Variants in BABAM2 observed in about 807,000 individuals in gnomAD.
BABAM2 encodes BRISC and BRCA1 A complex member 2.
Under a neutral mutation model 54.7 loss-of-function variants are expected in BABAM2, and 31 were observed. That is an observed-to-expected ratio of 0.57 (90% CI 0.43 to 0.77). The LOEUF is 0.77. BABAM2 is among the 30% of genes least tolerant of loss of function. The probability of loss-of-function intolerance (pLI) is 0.00; values close to 1 mark genes in which losing one functional copy is unlikely to be tolerated. For missense variants in BABAM2, 364 were observed against 455.8 expected, an observed-to-expected ratio of 0.80 and a Z score of 1.83; for synonymous variants, 167 against 162.9, an observed-to-expected ratio of 1.03 and a Z score of -0.19.
intron 10 of BABAM2, among the ~76,000 whole-genome samples, chr2:28,276,039 G>A (rs1558493127): frequency 6.6e-6 from 1 of 151,048 alleles, no homozygotes; most frequent in Admixed American, 6.6e-5. Context: ...AGAAAAAAAT[G>A]GGACTAATAT....
At chr2:28,036,959 C>T (rs1676709340) in intron 5 of BABAM2, among the ~76,000 whole-genome samples, 1 of 152,130 alleles carries the variant, frequency 6.6e-6, no homozygotes, top group South Asian at 2.1e-4. Flanking sequence ...CATTATCTAG[C>T]CTAGTACTTG....
At position 28,244,761 on chromosome 2, in the gene BABAM2, G is replaced by A. The variant is rs1558467699; in HGVS notation, c.852-19G>A. On this transcript the variant is annotated intron_variant, in intron 9 of 11. Coordinates refer to ENST00000379624, the MANE Select transcript of BABAM2 (RefSeq NM_199191.3). The stretch of plus-strand genomic sequence containing the variant: ...ATGAGGGTTTTTTTTGTTTGTGTGT[G>A]TATGTTTTTATTACTTAGAGGTGTC... 4 of 1,603,448 alleles carry A rather than the reference G, an allele frequency of 2.5e-6. No homozygotes were observed. The highest frequency in any genetic ancestry group is 2.7e-5 in the African/African-American group (2 of 74,580).
At chr2:27,967,161 A>C (rs1670893753) in intron 3 of BABAM2, among the ~76,000 whole-genome samples, 1 of 152,280 alleles carries the variant, frequency 6.6e-6, no homozygotes, top group Admixed American at 6.5e-5. Context: ...CATATACTTC[A>C]CTGGAAGATG....
intron 6 of BABAM2, among the ~76,000 whole-genome samples, chr2:28,051,077 C>T (rs532782649): frequency 1.3e-5 from 2 of 152,276 alleles, no homozygotes; most frequent in East Asian, 1.9e-4. Flanking sequence ...TTCCTTGGCC[C>T]CATTCTCTTC....
At chr2:28,008,417 AC>A (rs1674129676) in intron 4 of BABAM2, among the ~76,000 whole-genome samples, 1 of 152,176 alleles carries the variant, frequency 6.6e-6, no homozygotes. Flanking sequence ...AGTCAAGTGT[AC>A]CCAGGTAACA....
At chr2:27,909,299 C>G (rs1666410185) in intron 2 of BABAM2, among the ~76,000 whole-genome samples, 1 of 152,150 alleles carries the variant, frequency 6.6e-6, no homozygotes, top group African/African-American at 2.4e-5. Flanking sequence ...CCCACTTTGG[C>G]CTCTTAAAGT....
chr2:28,143,117 G>T (rs1013112706), intron 7 of BABAM2, among the ~76,000 whole-genome samples: 21 of 151,044 alleles, frequency 1.4e-4, no homozygotes, highest in Middle Eastern at 3.4e-3. Context: ...CAACCTAATT[G>T]TCCACTGACA....
At chr2:28,206,849 C>T (rs545254727) in intron 7 of BABAM2, among the ~76,000 whole-genome samples, 1 of 152,280 alleles carries the variant, frequency 6.6e-6, no homozygotes, top group East Asian at 1.9e-4. Context: ...CTTACAAGTC[C>T]TTGCCAGTGT....
chr2:27,929,347 A>G (rs1667934424), intron 2 of BABAM2, among the ~76,000 whole-genome samples: 1 of 152,240 alleles, frequency 6.6e-6, no homozygotes, highest in Non-Finnish European at 1.5e-5. Context: ...TGGTGTGCCA[A>G]ATCTAAAGGA....
rs564738655 is a variant in BABAM2 at position 28,271,593 on chromosome 2, T to G, written c.934+26731T>G. ...ATGCCCTTTACAGTGAATATTCCAT[T>G]GACATATTAAACCAGAGGCAGTCTC... On this transcript the variant is annotated intron_variant, in intron 10 of 11. Transcript: ENST00000379624. 2.0e-5 allele frequency among the ~76,000 whole-genome samples: 3 copies of G among 152,302 alleles called. No individual in the cohort carries two copies. In the South Asian group the frequency reaches 6.2e-4, roughly 32 times the overall value.
chr2:28,163,236 C>T (rs576220812), intron 7 of BABAM2, among the ~76,000 whole-genome samples: 1 of 152,270 alleles, frequency 6.6e-6, no homozygotes, highest in South Asian at 2.1e-4. Flanking sequence ...GAGTGTGAAG[C>T]TCTGGGTGCC....
At chr2:27,965,701 A>G (rs1348428604) in intron 3 of BABAM2, among the ~76,000 whole-genome samples, 1 of 152,204 alleles carries the variant, frequency 6.6e-6, no homozygotes, top group Non-Finnish European at 1.5e-5. Context: ...AAACATACAT[A>G]TGTAAAATGT....
intron 7 of BABAM2, among the ~76,000 whole-genome samples, chr2:28,199,951 C>T (rs890452894): frequency 6.6e-6 from 1 of 152,082 alleles, no homozygotes; most frequent in African/African-American, 2.4e-5. Flanking sequence ...TTAGGAAACC[C>T]CTATTCATTT....
intron 6 of BABAM2, among the ~76,000 whole-genome samples, chr2:28,059,470 T>C (rs572210036): frequency 9.2e-5 from 14 of 152,278 alleles, no homozygotes; most frequent in African/African-American, 3.1e-4. Flanking sequence ...TGGGATATGA[T>C]TTAGATTTGT....
intron 4 of BABAM2, among the ~76,000 whole-genome samples, chr2:28,011,635 G>A (rs1400410351): frequency 6.6e-6 from 1 of 152,134 alleles, no homozygotes; most frequent in Non-Finnish European, 1.5e-5. Flanking sequence ...ATTCTCACTA[G>A]GGAAGTCATC....
chr2:27,951,721 G>A (rs750854480), intron 3 of BABAM2, among the ~76,000 whole-genome samples: 4 of 151,796 alleles, frequency 2.6e-5, no homozygotes, highest in African/African-American at 4.8e-5. Flanking sequence ...TTATTTTTCC[G>A]TAGGTTATTG....
intron 7 of BABAM2, among the ~76,000 whole-genome samples, chr2:28,155,815 T>C (rs28416955): frequency 0.71 from 107,410 of 151,982 alleles, 38,461 homozygotes; most frequent in Middle Eastern, 0.8. Flanking sequence ...CCAGATGGGG[T>C]TATCAGCCAC....
chr2:28,227,552 A>G (rs1418069506), intron 7 of BABAM2, among the ~76,000 whole-genome samples: 4 of 152,124 alleles, frequency 2.6e-5, no homozygotes, highest in Non-Finnish European at 5.9e-5. Context: ...TCTGGCAGAA[A>G]CCACCTTTTT....
chr2:28,092,536 G>A (rs1388920519), intron 6 of BABAM2, among the ~76,000 whole-genome samples: 1 of 152,116 alleles, frequency 6.6e-6, no homozygotes, highest in African/African-American at 2.4e-5. Context: ...GCTCTATAGT[G>A]AAATTTGTAA....
Sources: allele counts gnomAD v4.1 joint callset (sites outside exome capture counted in the v4.1 genomes callset), GRCh38; gene constraint gnomAD v4.1.1; transcripts MANE v1.5; gene names NCBI Gene and HGNC (gene_info 2026-07-23, HGNC 2026-07-21).